Variants in WDFY4 observed in about 807,000 individuals in gnomAD.
The protein encoded by WDFY4 is WDFY family member 4.
Under a neutral mutation model 351.9 loss-of-function variants are expected in WDFY4, and 169 were observed. The ratio of observed to expected loss-of-function variants is 0.48; its 90% CI spans 0.42 to 0.55. The LOEUF is 0.55. Ranked by LOEUF, WDFY4 falls within the 20% of genes least tolerant of loss-of-function variation. WDFY4 has a pLI of 0.00. For missense variants in WDFY4, 3,803 were observed against 3,935.6 expected (o/e 0.97, Z 0.90); for synonymous variants, 1,622 against 1,574.6 (o/e 1.03, Z -0.71).
chr10:48,721,128 G>A (rs2064072688), intron 3 of WDFY4, 133 bp from the exon 4 acceptor site: 1 of 772,474 alleles, frequency 1.3e-6, no homozygotes, highest in Non-Finnish European at 2.2e-6. Context: ...AGGTGGCCTT[G>A]GGGATGTGTA....
chr10:48,876,594 CTTTTCCAAGTTTT>C (rs1237383305), intron 42 of WDFY4, among the ~76,000 whole-genome samples: 1 of 106,818 alleles, frequency 9.4e-6, no homozygotes. Flanking sequence ...AACTTCATAT[CTTTTCCAAGTTTT>C]TTTTACAATA....
At chr10:48,710,616 A>G (rs2063744881) in intron 2 of WDFY4, among the ~76,000 whole-genome samples, 1 of 152,246 alleles carries the variant, frequency 6.6e-6, no homozygotes, top group Non-Finnish European at 1.5e-5. Flanking sequence ...AGAAGATGGT[A>G]TGTCCTGACA....
intron 16 of WDFY4, 29 bp from the exon 17 acceptor site, chr10:48,777,390 A>G: frequency 6.5e-7 from 1 of 1,548,144 alleles, no homozygotes; most frequent in Non-Finnish European, 8.7e-7. Context: ...CTTGCAGTCC[A>G]ATGATCTGAG....
chr10:48,809,194 C>T (rs1423306006), intron 28 of WDFY4, among the ~76,000 whole-genome samples: 1 of 150,022 alleles, frequency 6.7e-6, no homozygotes, highest in Non-Finnish European at 1.5e-5. Flanking sequence ...CCATCATCAC[C>T]ATCACCATCA....
rs1840153715 is a variant in WDFY4 at position 48,933,411 on chromosome 10, T to C, written c.7587-8395T>C. The stretch of plus-strand genomic sequence containing the variant: ...TCTCTGGTGCCCTTTCCCAAGGACT[T>C]AGCTGCCATCTGGCTTTTCCATACA... On this transcript the variant is annotated intron_variant, in intron 47 of 61. Coordinates refer to ENST00000325239, the MANE Select transcript of WDFY4 (RefSeq NM_001394531.1). Among the ~76,000 whole-genome samples the C allele has an allele frequency of 2.0e-5, 3 of 152,224 alleles. 1 individual carries two copies. The South Asian group carries it at 6.2e-4, about 31-fold the overall frequency.
At chr10:48,740,469 G>A (rs866304075) in intron 11 of WDFY4, among the ~76,000 whole-genome samples, 2 of 152,190 alleles carry the variant, frequency 1.3e-5, no homozygotes, top group South Asian at 2.1e-4. Context: ...ATGGGGCAGG[G>A]ACAGGCAGCT....
chr10:48,709,641 A>C, intron 1 of WDFY4, 75 bp from the exon 2 acceptor site: 7 of 1,301,608 alleles, frequency 5.4e-6, no homozygotes, highest in Non-Finnish European at 7.5e-6. Flanking sequence ...GAGTGAGTAC[A>C]GTACCTTATC....
At chr10:48,902,323 T>G (rs1837399216) in intron 47 of WDFY4, among the ~76,000 whole-genome samples, 2 of 152,188 alleles carry the variant, frequency 1.3e-5, no homozygotes, top group African/African-American at 4.8e-5. Context: ...TCTCTCCCAG[T>G]GAATGAATTG....
intron 47 of WDFY4, among the ~76,000 whole-genome samples, chr10:48,908,390 T>C (rs545624118): frequency 2.6e-5 from 4 of 152,360 alleles, no homozygotes; most frequent in Non-Finnish European, 4.4e-5. Context: ...TCATGCAGTT[T>C]CTATTTATTT....
chr10:48,785,351 A>G (rs2066371464), intron 19 of WDFY4, among the ~76,000 whole-genome samples: 1 of 152,104 alleles, frequency 6.6e-6, no homozygotes, highest in Non-Finnish European at 1.5e-5. Flanking sequence ...TTTTGCTGAA[A>G]TATAATTCAT....
chr10:48,911,369 G>T (rs747392001), intron 47 of WDFY4, among the ~76,000 whole-genome samples: 25 of 152,196 alleles, frequency 1.6e-4, no homozygotes, highest in Non-Finnish European at 3.4e-4. Context: ...TTGATGGCAT[G>T]TATCAACATT....
At chr10:48,830,572 C>A in intron 37 of WDFY4, 128 bp from the exon 38 acceptor site, 2 of 1,039,826 alleles carry the variant, frequency 1.9e-6, no homozygotes, top group Non-Finnish European at 2.8e-6. Context: ...GCTTGCAAAG[C>A]TGGGGTGATG....
At chr10:48,874,140 C>T (rs767437804) in intron 41 of WDFY4, among the ~76,000 whole-genome samples, 1 of 152,216 alleles carries the variant, frequency 6.6e-6, no homozygotes, top group South Asian at 2.1e-4. Flanking sequence ...ACAAATTTTA[C>T]GATGAAAATC....
chr10:48,723,697 G>A (rs1405026659), intron 5 of WDFY4, 130 bp downstream of exon 5: 5 of 1,280,754 alleles, frequency 3.9e-6, no homozygotes, highest in Non-Finnish European at 5.3e-6. Flanking sequence ...CTCCCAGAGG[G>A]TCTAACCTCC....
At chr10:48,913,559 A>C (rs778157961) in intron 47 of WDFY4, 1 of 1,613,908 alleles carries the variant, frequency 6.2e-7, no homozygotes, top group Non-Finnish European at 8.5e-7. Context: ...CCTCCACAAC[A>C]TACAAGTTCT....
rs771339557 is a variant in WDFY4, at chr10:48,953,333, T to TCTCTCTCTCTCACACACA, written c.7978-3795_7978-3794insTCTCTCTCTCACACACAC. Among the ~76,000 whole-genome samples the TCTCTCTCTCTCACACACA allele has an allele frequency of 5.6e-3, 719 of 128,190 alleles. 5 individuals are homozygous for TCTCTCTCTCTCACACACA. Among genetic ancestry groups the TCTCTCTCTCTCACACACA allele is most frequent in the Middle Eastern group, 8.2e-3 (2 of 244 alleles). 84.1% of individuals were successfully genotyped at this position (128,190 alleles called of 152,430 possible). A position where few individuals can be genotyped will look rare whatever the true frequency, so the allele number is the denominator to read the frequency against. On this transcript the variant is annotated intron_variant, in intron 51 of 61. Transcript: ENST00000325239. ...CTCTCTCTCTCTCTCTCTCTCTCTCTCACACACACACACACACACACACAC... is the reference window on the plus strand; with the variant it reads ...CTCTCTCTCTCTCTCTCTCTCTCTCTCTCTCTCTCTCACACACACACACACACACACACACACACACAC...
At chr10:48,831,640 A>G (rs1049720030) in intron 38 of WDFY4, among the ~76,000 whole-genome samples, 2 of 152,246 alleles carry the variant, frequency 1.3e-5, no homozygotes, top group Non-Finnish European at 2.9e-5. Flanking sequence ...TTATGCTGCT[A>G]TAACAAAATA....
intron 42 of WDFY4, among the ~76,000 whole-genome samples, chr10:48,876,716 T>C (rs1159737686): frequency 2.0e-5 from 3 of 151,998 alleles, no homozygotes; most frequent in Admixed American, 6.5e-5. Context: ...CTCTGAGGAG[T>C]TGCTTTACTG....
At chr10:48,745,749 G>T in intron 12 of WDFY4, 1 of 527,488 alleles carries the variant, frequency 1.9e-6, no homozygotes, top group Non-Finnish European at 3.5e-6. Flanking sequence ...ACTCTCTTGT[G>T]GGCTTCAGAT....
Sources: allele counts gnomAD v4.1 joint callset (sites outside exome capture counted in the v4.1 genomes callset), GRCh38; gene constraint gnomAD v4.1.1; transcripts MANE v1.5; gene names NCBI Gene and HGNC (gene_info 2026-07-23, HGNC 2026-07-21).